Variants in KCNG3 observed in about 807,000 individuals in gnomAD.
KCNG3 encodes voltage-gated potassium channel regulatory subunit KCNG3.
In KCNG3, 15 loss-of-function variants were observed where a neutral mutation model predicts 29.0. That is an observed-to-expected ratio of 0.52 (90% CI 0.35 to 0.80). The LOEUF (loss-of-function observed/expected upper bound fraction) is 0.80. KCNG3 is among the 30% of genes least tolerant of loss of function. KCNG3 has a pLI of 0.01. For synonymous variants in KCNG3, 322 were observed against 248.9 expected (o/e 1.29, Z -2.76); for missense variants, 512 against 605.7 (o/e 0.85, Z 1.62).
At chr2:42,416,940 A>G in the KCNG3 span, among the ~76,000 whole-genome samples, 25,562 of 151,732 alleles carry the variant, frequency 0.17, 2,430 homozygotes, top group African/African-American at 0.27. Flanking sequence ...CCCCACAAAT[A>G]TATTAATTAT....
the KCNG3 span, among the ~76,000 whole-genome samples, chr2:42,389,042 C>T: frequency 6.6e-6 from 1 of 152,014 alleles, no homozygotes; most frequent in African/African-American, 2.4e-5. Flanking sequence ...CTCAGCCTCC[C>T]GAGTAGCTGG....
At chr2:42,489,251 G>A (rs1194291554) in intron 1 of KCNG3, among the ~76,000 whole-genome samples, 9 of 152,050 alleles carry the variant, frequency 5.9e-5, no homozygotes, top group Non-Finnish European at 1.3e-4. Flanking sequence ...TTCACTGGGC[G>A]TGGTAGCTCA....
chr2:42,473,750 A>G (rs931943673), intron 1 of KCNG3, among the ~76,000 whole-genome samples: 4 of 152,174 alleles, frequency 2.6e-5, no homozygotes, highest in Non-Finnish European at 4.4e-5. Context: ...GGCATAAGGA[A>G]TTCGGTTTTT....
chr2:42,475,426 T>A (rs1211338094), intron 1 of KCNG3, among the ~76,000 whole-genome samples: 3 of 151,298 alleles, frequency 2.0e-5, no homozygotes, highest in Admixed American at 1.3e-4. Flanking sequence ...TCTCCCAGGT[T>A]CAAGTGATTC....
chr2:42,411,043 T>A, the KCNG3 span, among the ~76,000 whole-genome samples: 15 of 152,334 alleles, frequency 9.8e-5, no homozygotes, highest in East Asian at 2.9e-3. Flanking sequence ...TATTGAGTAG[T>A]CTATCCTTTA....
the KCNG3 span, among the ~76,000 whole-genome samples, chr2:42,436,323 T>G: frequency 6.6e-6 from 1 of 152,318 alleles, no homozygotes; most frequent in East Asian, 1.9e-4. Context: ...TACAGCTCTA[T>G]AAATATATTA....
At chr2:42,453,181 T>C (rs552023285) in intron 1 of KCNG3, among the ~76,000 whole-genome samples, 1 of 152,354 alleles carries the variant, frequency 6.6e-6, no homozygotes, top group South Asian at 2.1e-4. Flanking sequence ...CTTTCTGATA[T>C]GCTGATTTCC....
chr2:42,482,317 G>A (rs752471502), intron 1 of KCNG3, among the ~76,000 whole-genome samples: 1 of 152,262 alleles, frequency 6.6e-6, no homozygotes, highest in African/African-American at 2.4e-5. Context: ...AGTGGCTCAT[G>A]CCTATAATCC....
At chr2:42,428,258 G>A in the KCNG3 span, among the ~76,000 whole-genome samples, 3 of 151,244 alleles carry the variant, frequency 2.0e-5, no homozygotes, top group Non-Finnish European at 2.9e-5. Flanking sequence ...TCAGGACTTC[G>A]AGACCAGCCT....
chr2:42,486,704 A>T (rs1407750490), intron 1 of KCNG3, among the ~76,000 whole-genome samples: 1 of 152,072 alleles, frequency 6.6e-6, no homozygotes, highest in Non-Finnish European at 1.5e-5. Context: ...GTCACCTTTC[A>T]CAATCTGAAA....
rs146651750 is a variant in KCNG3 at position 42,463,504 on chromosome 2, T to C, written c.666-18925A>G. The stretch of plus-strand genomic sequence containing the variant: ...ATCAATCTTGTAGCCAAGAGTAAAG[T>C]CCCTCTGCTTCTCTTAAAACTCTGT... On this transcript the variant is annotated intron_variant, in intron 1 of 1. Transcript: ENST00000306078. 150 of 169,978 alleles carry C rather than the reference T, an allele frequency of 8.8e-4. 3 individuals are homozygous for C. The East Asian group carries it at 0.013, about 14-fold the overall frequency. 10.5% of individuals were successfully genotyped at this position (169,978 alleles called of 1,614,324 possible). A position where few individuals can be genotyped will look rare whatever the true frequency, so the allele number is the denominator to read the frequency against.
rs1261074333 is a variant in KCNG3 at position 42,492,863 on chromosome 2, G to C, written c.639C>G (p.Ser213=). Residue 213 remains serine, a synonymous_variant, in exon 1 of 2, where the codon TCC becomes TCG. Transcript: ENST00000306078. ...CGGAGGGCTCCCTCCCAGGGCCGGC[G>C]GAGTACCTGCTCCGGTCATCCAGGC... is the stretch of plus-strand genomic sequence containing the variant. The part of the protein sequence containing the change: ...NRSLDDRSRY[S]AGPGREPSGI... The C allele has an allele frequency of 6.6e-7, 1 of 1,513,662 alleles. No individual in the cohort carries two copies. The highest frequency in any genetic ancestry group is 8.8e-7 in the Non-Finnish European group (1 of 1,135,636). The allele number at this position is 1,513,662 out of a possible 1,614,324, so 93.8% of individuals were successfully genotyped here.
At chr2:42,401,055 AT>A in the KCNG3 span, among the ~76,000 whole-genome samples, 1 of 151,200 alleles carries the variant, frequency 6.6e-6, no homozygotes, top group Non-Finnish European at 1.5e-5. Context: ...GTGTATATAA[AT>A]ATTCATACAT....
At chr2:42,492,744 C>T in intron 1 of KCNG3, 93 bp downstream of exon 1, 1 of 1,230,560 alleles carries the variant, frequency 8.1e-7, no homozygotes. Context: ...GGCTCGGTCG[C>T]CCGGAGGCGG....
intron 1 of KCNG3, among the ~76,000 whole-genome samples, chr2:42,452,161 A>C (rs1672770648): frequency 6.7e-6 from 1 of 149,706 alleles, no homozygotes; most frequent in Middle Eastern, 3.4e-3. Flanking sequence ...GGGTTACATA[A>C]GATATTTTGA....
chr2:42,405,180 C>G, the KCNG3 span, among the ~76,000 whole-genome samples: 11 of 152,228 alleles, frequency 7.2e-5, no homozygotes, highest in Admixed American at 6.5e-4. Flanking sequence ...TCAACTATAT[C>G]TAATACGTCT....
At chr2:42,471,195 T>G (rs1445705327) in intron 1 of KCNG3, among the ~76,000 whole-genome samples, 1 of 151,874 alleles carries the variant, frequency 6.6e-6, no homozygotes, top group East Asian at 1.9e-4. Context: ...TATATATATA[T>G]ATATATTCAC....
rs750630963 is a variant in KCNG3 at position 42,444,534 on chromosome 2, G to A, written c.711C>T (p.Ile237=). 17 of 1,614,088 alleles carry A rather than the reference G, an allele frequency of 1.1e-5. No homozygotes were observed. The highest frequency in any genetic ancestry group is 2.2e-5 in the South Asian group (2 of 91,068). The stretch of plus-strand genomic sequence containing the variant: ...TGTTTTTGGAGACAATGAACCTCAC[G>A]ATGCACTCGGCAGTGAACCAACCTA... The part of the protein sequence containing the change: ...ICIGWFTAEC[I]VRFIVSKNKC... Residue 237 remains isoleucine, a synonymous_variant, in exon 2 of 2, where the codon ATC becomes ATT. Coordinates refer to ENST00000306078, the MANE Select transcript of KCNG3 (RefSeq NM_133329.6). The surrounding 1 kb of genome is among the most constrained non-coding windows in gnomAD (Gnocchi z 5.8).
intron 1 of KCNG3, among the ~76,000 whole-genome samples, chr2:42,450,486 AAAC>A (rs1210780333): frequency 3.9e-5 from 6 of 152,248 alleles, no homozygotes; most frequent in Admixed American, 3.3e-4. Context: ...GCACAAGAGC[AAAC>A]AATTGGGTAT....
Sources: allele counts gnomAD v4.1 joint callset (sites outside exome capture counted in the v4.1 genomes callset), GRCh38; gene constraint gnomAD v4.1.1; non-coding constraint Gnocchi (gnomAD v3.1); transcripts MANE v1.5; gene names NCBI Gene and HGNC (gene_info 2026-07-23, HGNC 2026-07-21).